Variants in MYO5B observed in about 807,000 individuals in gnomAD.
The protein encoded by MYO5B is myosin VB.
MYO5B carries 143 observed loss-of-function variants against 229.3 expected under a neutral mutation model. That is an observed-to-expected ratio of 0.62 (90% CI 0.54 to 0.72). The LOEUF (loss-of-function observed/expected upper bound fraction) is 0.72. Among genes scored for constraint, MYO5B ranks in the 30% least tolerant of loss-of-function variants. The pLI, the probability that MYO5B is intolerant of heterozygous loss-of-function variation, is 0.00. For missense variants in MYO5B, 2,321 were observed against 2,331.0 expected, an observed-to-expected ratio of 1.00 and a Z score of 0.09; for synonymous variants, 918 against 885.2, an observed-to-expected ratio of 1.04 and a Z score of -0.66.
At position 49,849,523 on chromosome 18, in the gene MYO5B, G is replaced by A. The variant is rs767332801; in HGVS notation, c.4315+44C>T. On this transcript the variant is annotated intron_variant, in intron 32 of 39. Transcript: ENST00000285039. ...AGCTCACACCCACAGGCGTGGCCAA[G>A]TATACCTGTGATTCACAAAACACAC... The A allele has an allele frequency of 2.9e-6, 4 of 1,401,194 alleles. No individual in the cohort carries two copies. The South Asian group carries it at 3.4e-5, about 12-fold the overall frequency. The allele number at this position is 1,401,194 out of a possible 1,614,324, so 86.8% of individuals were successfully genotyped here.
chr18:49,934,113 T>C (rs1019926606), intron 16 of MYO5B, among the ~76,000 whole-genome samples: 15 of 152,226 alleles, frequency 9.9e-5, no homozygotes, highest in African/African-American at 3.6e-4. Context: ...TTGCCTCAAG[T>C]GATCCTCCTG....
intron 2 of MYO5B, among the ~76,000 whole-genome samples, chr18:50,050,899 T>C (rs1223953029): frequency 1.3e-5 from 2 of 152,210 alleles, no homozygotes; most frequent in African/African-American, 4.8e-5. Context: ...CATTTTCCAA[T>C]TAGGCCAAGC....
At chr18:49,886,075 G>A (rs1400052562) in intron 22 of MYO5B, among the ~76,000 whole-genome samples, 4 of 152,162 alleles carry the variant, frequency 2.6e-5, no homozygotes, top group Admixed American at 2.6e-4. Context: ...GAGTAGCTAG[G>A]ACTACAGGTG....
intron 25 of MYO5B, among the ~76,000 whole-genome samples, chr18:49,877,394 A>G (rs1175758361): frequency 1.3e-5 from 2 of 152,238 alleles, no homozygotes; most frequent in African/African-American, 4.8e-5. Context: ...TACTATATGC[A>G]CTATGATATT....
At chr18:49,906,757 G>A in intron 18 of MYO5B, 127 bp from the exon 19 acceptor site, 2 of 814,652 alleles carry the variant, frequency 2.5e-6, no homozygotes, top group Non-Finnish European at 4.0e-6. Context: ...TCTGTAGATG[G>A]ACACAAAGTC....
intron 39 of MYO5B, among the ~76,000 whole-genome samples, chr18:49,830,426 A>G (rs1411061915): frequency 6.6e-6 from 1 of 152,234 alleles, no homozygotes; most frequent in Non-Finnish European, 1.5e-5. Context: ...ACAATACTAC[A>G]TAAGCAATCT....
chr18:49,968,060 C>T (rs760601743), intron 10 of MYO5B, among the ~76,000 whole-genome samples: 2 of 152,122 alleles, frequency 1.3e-5, no homozygotes, highest in Non-Finnish European at 2.9e-5. Context: ...GCCAACTGTC[C>T]CAAACTATGA....
Position 49,993,715 on chromosome 18 carries a change from T to C in MYO5B, c.613-1284A>G, listed in dbSNP as rs116060829. The stretch of plus-strand genomic sequence containing the variant: ...CCTTAGCCTGCAACATTGTCACCTC[T>C]TTCCTGAACAACTTCAATGGGCTCT... On this transcript the variant is annotated intron_variant, in intron 5 of 39. Transcript: ENST00000285039. 4.0e-4 allele frequency among the ~76,000 whole-genome samples: 61 copies of C among 152,276 alleles called. 1 individual carries two copies. The highest frequency in any genetic ancestry group is 2.4e-3 in the Admixed American group (36 of 15,306).
At chr18:50,066,412 T>A (rs993514083) in intron 1 of MYO5B, among the ~76,000 whole-genome samples, 1 of 152,204 alleles carries the variant, frequency 6.6e-6, no homozygotes, top group Non-Finnish European at 1.5e-5. Flanking sequence ...GAAATACTTA[T>A]ACAGTTTTGA....
intron 2 of MYO5B, among the ~76,000 whole-genome samples, chr18:50,044,049 T>A (rs1003823288): frequency 1.7e-4 from 26 of 151,946 alleles, no homozygotes; most frequent in Admixed American, 5.3e-4. Context: ...AAAATTTTTT[T>A]AAAAAAAGCA....
intron 33 of MYO5B, among the ~76,000 whole-genome samples, chr18:49,845,992 T>C (rs1309444064): frequency 6.6e-6 from 1 of 151,982 alleles, no homozygotes; most frequent in Admixed American, 6.5e-5. Flanking sequence ...TGGCAGCTAG[T>C]GTGGAAGGTC....
At chr18:49,958,669 C>T (rs1419988027) in intron 12 of MYO5B, among the ~76,000 whole-genome samples, 1 of 152,186 alleles carries the variant, frequency 6.6e-6, no homozygotes, top group Non-Finnish European at 1.5e-5. Context: ...AGCCAAGCCT[C>T]CAAGAGTTCA....
intron 31 of MYO5B, chr18:49,850,325 C>T (rs2024184777): frequency 6.4e-6 from 1 of 155,868 alleles, no homozygotes; most frequent in Admixed American, 6.2e-5. Context: ...GCTTCGGTGA[C>T]TAGAGAGTGA....
In MYO5B at chr18:49,906,420, T is replaced by C; in HGVS notation, c.2413A>G (p.Arg805Gly). Reference sequence around the variant, plus strand: ...CTGAGCTGCCACAGTCTGGCTCACCTGCGGGCCAGGTGTCCCCGGCAGTAC... The same window carrying C: ...CTGAGCTGCCACAGTCTGGCTCACCCGCGGGCCAGGTGTCCCCGGCAGTAC... ...QRYCRGHLAR[R>G]LAEHLRRIRA... is the part of the protein sequence containing the mutation. Residue 805 changes from arginine (R) to glycine (G), a missense_variant and splice_region_variant, in exon 19 of 40, where the codon AGG becomes GGG. Physicochemically the swap from Arg to Gly is moderately radical, Grantham distance 125. Around this residue, in one of 2 missense-constraint regions of MYO5B, gnomAD observed 2,113 missense variants for 2,044.7 expected, o/e 1.03. Coordinates refer to ENST00000285039, the MANE Select transcript of MYO5B (RefSeq NM_001080467.3). 6.2e-7 allele frequency: 1 copy of C among 1,614,010 alleles called. No homozygotes were observed. Among genetic ancestry groups the C allele is most frequent in the South Asian group, 1.1e-5 (1 of 91,074 alleles).
chr18:49,936,426 T>C (rs2025251017), intron 15 of MYO5B, 77 bp from the exon 16 acceptor site: 2 of 1,017,056 alleles, frequency 2.0e-6, no homozygotes, highest in African/African-American at 3.2e-5. Context: ...CATATATGGG[T>C]GGCGGTAGTT....
intron 12 of MYO5B, among the ~76,000 whole-genome samples, chr18:49,956,519 G>A (rs2025494196): frequency 1.3e-5 from 2 of 152,138 alleles, no homozygotes; most frequent in Admixed American, 6.5e-5. Flanking sequence ...CAAGGTAGAA[G>A]GTGCTTATCT....
rs1259564061 is a variant in MYO5B at position 50,169,736 on chromosome 18, T to C, written c.27+25031A>G. ...AACTTTAAACCCAATTCAAGGTATA[T>C]GAGTGTGCCTTGAATTACTCTTGCA... is the stretch of plus-strand genomic sequence containing the variant. On this transcript the variant is annotated intron_variant, in intron 1 of 39. Transcript: ENST00000285039. Among the ~76,000 whole-genome samples the C allele has an allele frequency of 1.6e-5, 2 of 127,914 alleles. 1 individual carries two copies. Among genetic ancestry groups the C allele is most frequent in the African/African-American group, 5.9e-5 (2 of 33,816 alleles). 83.9% of individuals were successfully genotyped at this position (127,914 alleles called of 152,430 possible). A position where few individuals can be genotyped will look rare whatever the true frequency, so the allele number is the denominator to read the frequency against.
At chr18:50,086,865 A>C (rs2031341647) in intron 1 of MYO5B, among the ~76,000 whole-genome samples, 1 of 152,162 alleles carries the variant, frequency 6.6e-6, no homozygotes. Context: ...AGAAATGCAA[A>C]AGACTAACTG....
rs117250887 is a variant in MYO5B at position 49,832,166 on chromosome 18, C to T, written c.5394+3178G>A. On this transcript the variant is annotated intron_variant, in intron 39 of 39. Coordinates refer to ENST00000285039, the MANE Select transcript of MYO5B (RefSeq NM_001080467.3). Reference sequence around the variant, plus strand: ...AATATTGTGAATATACTTAATGCCACGGAACTATACACTTAAAAATGGTTA... The same window carrying T: ...AATATTGTGAATATACTTAATGCCATGGAACTATACACTTAAAAATGGTTA... Among the ~76,000 whole-genome samples, 704 of 152,212 alleles carry T rather than the reference C, an allele frequency of 4.6e-3. 5 individuals are homozygous for T. Among genetic ancestry groups the T allele is most frequent in the Non-Finnish European group, 7.7e-3 (524 of 68,016 alleles).
Sources: gnomAD v4.1 joint callset for allele counts (sites outside exome capture counted in the v4.1 genomes callset) on GRCh38, gnomAD v4.1.1 for gene constraint, gnomAD v4.1.1 regional missense constraint, MANE v1.5 for transcripts, NCBI Gene and HGNC (gene_info 2026-07-23, HGNC 2026-07-21) for gene names.